STK24: variants seen among roughly 807,000 people sequenced by gnomAD.
STK24 encodes the protein serine/threonine-protein kinase 24.
STK24 carries 21 observed loss-of-function variants against 55.6 expected under a neutral mutation model. The ratio of observed to expected loss-of-function variants is 0.38; its 90% CI spans 0.27 to 0.54. The LOEUF (loss-of-function observed/expected upper bound fraction) is 0.54, where lower values mean the gene tolerates loss of function less well. STK24 is among the 20% of genes least tolerant of loss of function. The probability of loss-of-function intolerance (pLI) is 0.79; values close to 1 mark genes in which losing one functional copy is unlikely to be tolerated. For synonymous variants in STK24, 200 were observed against 215.2 expected (o/e 0.93, Z 0.62); for missense variants, 383 against 538.4 (o/e 0.71, Z 2.86).
At chr13:98,500,766 A>G (rs1178219824) in intron 2 of STK24, among the ~76,000 whole-genome samples, 2 of 151,756 alleles carry the variant, frequency 1.3e-5, no homozygotes, top group Non-Finnish European at 2.9e-5. Flanking sequence ...AATTAGATTT[A>G]GCACACAGGC....
At chr13:98,489,330 A>G (rs985049590) in intron 2 of STK24, among the ~76,000 whole-genome samples, 6 of 152,124 alleles carry the variant, frequency 3.9e-5, no homozygotes, top group Non-Finnish European at 7.3e-5. Context: ...CCTGTTGCCT[A>G]TTTTACCTTC....
At chr13:98,507,744 G>GCAGGTCTC (rs1455580633) in intron 2 of STK24, among the ~76,000 whole-genome samples, 2 of 152,164 alleles carry the variant, frequency 1.3e-5, no homozygotes, top group East Asian at 1.9e-4. Flanking sequence ...ATATCCTGAG[G>GCAGGTCTC]CAGGTCTCCA....
chr13:98,519,206 G>A, intron 2 of STK24, 37 bp downstream of exon 2: 1 of 1,556,418 alleles, frequency 6.4e-7, no homozygotes. Flanking sequence ...TCAGCCAAGT[G>A]CTGCAGAACG....
At chr13:98,460,635 G>T (rs959817896) in intron 8 of STK24, among the ~76,000 whole-genome samples, 195 bp from the exon 9 acceptor site, 9 of 152,160 alleles carry the variant, frequency 5.9e-5, no homozygotes, top group Admixed American at 4.6e-4. Flanking sequence ...AGTTTCATCT[G>T]CAGTGACATG....
chr13:98,520,980 T>C (rs1349357577), intron 1 of STK24, among the ~76,000 whole-genome samples: 2 of 152,230 alleles, frequency 1.3e-5, no homozygotes, highest in African/African-American at 4.8e-5. Context: ...AACCAAGGCT[T>C]GCGTGGTGGA....
chr13:98,525,899 C>T lies in STK24; in HGVS notation c.43-6426G>A, dbSNP rs566109460. ...AGGCACTCGAATACTGATTTCTCTA[C>T]TCACAACTTTCCAATTCCCTAAAAT... is the stretch of plus-strand genomic sequence containing the variant. On this transcript the variant is annotated intron_variant, in intron 1 of 10. Coordinates refer to ENST00000539966, the MANE Select transcript of STK24 (RefSeq NM_001032296.4). Among the ~76,000 whole-genome samples, 45 of 152,378 alleles carry T rather than the reference C, an allele frequency of 3.0e-4. 1 individual carries two copies. The highest frequency in any genetic ancestry group is 1.1e-3 in the African/African-American group (44 of 41,590).
chr13:98,450,059 T>TAC lies in STK24; in HGVS notation c.*3112_*3113dup, dbSNP rs1384259338. 6.6e-6 allele frequency: 1 copy of TAC among 152,166 alleles called. No individual in the cohort carries two copies. Among genetic ancestry groups the TAC allele is most frequent in the East Asian group, 1.9e-4 (1 of 5,194 alleles). 9.4% of individuals were successfully genotyped at this position (152,166 alleles called of 1,614,324 possible). On this transcript the variant is annotated 3_prime_UTR_variant, in exon 11 of 11. Transcript: ENST00000539966. The stretch of plus-strand genomic sequence containing the variant: ...TCTGAATGATTGATTGATTCCAAAC[T>TAC]ACTTGCTGGACACTGGTGGTTCTGA...
In STK24 at chr13:98,466,406, C is replaced by T. The variant is rs1389357550; in HGVS notation, c.753G>A (p.Val251=). ...GNYSKPLKEF[V]EACLNKEPSF... ...TCGGCTCCTTATTCAAACAGGCCTC[C>T]ACAAACTCCTTGAGGGGTTTACTGT... The change falls in exon 6 of 11, where the codon GTG becomes GTA. Residue 251 remains valine, a synonymous_variant. Transcript: ENST00000539966. 1.2e-6 allele frequency: 2 copies of T among 1,612,672 alleles called. No individual in the cohort carries two copies. Among genetic ancestry groups the T allele is most frequent in the Non-Finnish European group, 1.7e-6 (2 of 1,180,046 alleles).
chr13:98,514,296 T>C (rs1160427279), intron 2 of STK24, among the ~76,000 whole-genome samples: 3 of 152,236 alleles, frequency 2.0e-5, no homozygotes, highest in African/African-American at 7.2e-5. Context: ...TTTTTACTCT[T>C]TTCCCCAAGG....
intron 7 of STK24, 77 bp downstream of exon 7, chr13:98,463,614 A>G: frequency 6.7e-7 from 1 of 1,489,320 alleles, no homozygotes; most frequent in South Asian, 1.3e-5. Flanking sequence ...ACAGAAAACG[A>G]AACCCACACC....
intron 2 of STK24, among the ~76,000 whole-genome samples, chr13:98,508,303 G>A (rs1050734425): frequency 6.6e-6 from 1 of 152,128 alleles, no homozygotes; most frequent in Non-Finnish European, 1.5e-5. Context: ...CCCCAACAGA[G>A]GACGCTTCAA....
chr13:98,555,681 CTTTT>C (rs371915680), intron 1 of STK24, among the ~76,000 whole-genome samples: 3 of 129,274 alleles, frequency 2.3e-5, no homozygotes, highest in Non-Finnish European at 3.3e-5. Flanking sequence ...GCCTCCCTGT[CTTTT>C]TTTTTTTTTT....
rs542952036 is a variant in STK24 at position 98,451,700 on chromosome 13, C to T, written c.*1473G>A. 6.6e-6 allele frequency: 1 copy of T among 152,290 alleles called. No individual in the cohort carries two copies. Among genetic ancestry groups the T allele is most frequent in the Admixed American group, 6.5e-5 (1 of 15,300 alleles). 9.4% of individuals were successfully genotyped at this position (152,290 alleles called of 1,614,324 possible). Reference sequence around the variant, plus strand: ...CTTAACTCCACAAGAACTGGCACACCCACGGGAGATGTCAATCATCAGCTT... The same window carrying T: ...CTTAACTCCACAAGAACTGGCACACTCACGGGAGATGTCAATCATCAGCTT... On this transcript the variant is annotated 3_prime_UTR_variant, in exon 11 of 11. Transcript: ENST00000539966.
intron 2 of STK24, among the ~76,000 whole-genome samples, chr13:98,496,801 G>A (rs905191234): frequency 6.6e-6 from 1 of 152,156 alleles, no homozygotes; most frequent in Non-Finnish European, 1.5e-5. Flanking sequence ...GCCAACAAAT[G>A]GTGAAAACAG....
At chr13:98,509,527 A>C (rs182492082) in intron 2 of STK24, among the ~76,000 whole-genome samples, 130 of 152,338 alleles carry the variant, frequency 8.5e-4, no homozygotes, top group Middle Eastern at 3.4e-3. Context: ...GGTTAAACAT[A>C]AAATTTGTAT....
At chr13:98,551,904 T>G (rs1897169239) in intron 1 of STK24, among the ~76,000 whole-genome samples, 2 of 152,318 alleles carry the variant, frequency 1.3e-5, no homozygotes, top group South Asian at 4.1e-4. Flanking sequence ...TGAAAAGCAC[T>G]TAAGTGCTGC....
In STK24 at chr13:98,474,820, C is replaced by T; in HGVS notation, c.597+1G>A. On this transcript the variant is annotated splice_donor_variant, in intron 5 of 10. Coordinates refer to ENST00000539966, the MANE Select transcript of STK24 (RefSeq NM_001032296.4). LOFTEE classifies it high-confidence loss of function. ...CGGCGCCGCCCTCACCCTCCCCTCA[C>T]CTTCGAGTCATAGGCCGACTGTTTG... 1 of 1,608,760 alleles carries T rather than the reference C, an allele frequency of 6.2e-7. No homozygotes were observed. Among genetic ancestry groups the T allele is most frequent in the Non-Finnish European group, 8.5e-7 (1 of 1,177,282 alleles).
intron 1 of STK24, among the ~76,000 whole-genome samples, chr13:98,573,215 G>C (rs112108978): frequency 6.6e-6 from 1 of 152,166 alleles, no homozygotes; most frequent in African/African-American, 2.4e-5. Context: ...TCTTACATGG[G>C]TCACGGTTCA....
At chr13:98,518,142 C>A (rs1896131155) in intron 2 of STK24, among the ~76,000 whole-genome samples, 1 of 152,216 alleles carries the variant, frequency 6.6e-6, no homozygotes, top group South Asian at 2.1e-4. Context: ...TGACCTATGA[C>A]ACACTGCTGT....
Sources: gnomAD v4.1 joint callset for allele counts (sites outside exome capture counted in the v4.1 genomes callset) on GRCh38, gnomAD v4.1.1 for gene constraint, MANE v1.5 for transcripts, NCBI Gene and HGNC (gene_info 2026-07-23, HGNC 2026-07-21) for gene names.